Variants in ADGRV1 observed in about 807,000 individuals in gnomAD.
The protein encoded by ADGRV1 is adhesion G protein-coupled receptor V1, also known as G-protein coupled receptor 98.
Under a neutral mutation model 596.2 loss-of-function variants are expected in ADGRV1, and 359 were observed. That is an observed-to-expected ratio of 0.60 (90% CI 0.55 to 0.66). The LOEUF (loss-of-function observed/expected upper bound fraction) is 0.66, where lower values mean the gene tolerates loss of function less well. Ranked by LOEUF, ADGRV1 falls within the 30% of genes least tolerant of loss-of-function variation. ADGRV1 has a pLI of 0.00. For missense variants in ADGRV1, 7,274 were observed against 7,575.6 expected (o/e 0.96, Z 1.48); for synonymous variants, 2,681 against 2,679.2 (o/e 1.00, Z -0.02).
In ADGRV1 at chr5:90,809,423, G is replaced by A. The variant is rs183258044; in HGVS notation, c.14973-810G>A. On this transcript the variant is annotated intron_variant, in intron 73 of 89. Transcript: ENST00000405460. Reference sequence around the variant, plus strand: ...GACGAAAGTCATAGATAGATTATGCGATAAACCCAGAAGCACACAGTTAAT... The same window carrying A: ...GACGAAAGTCATAGATAGATTATGCAATAAACCCAGAAGCACACAGTTAAT... 8.1e-4 allele frequency among the ~76,000 whole-genome samples: 123 copies of A among 152,026 alleles called. 4 individuals are homozygous for A. In the Middle Eastern group the frequency reaches 0.024, roughly 29 times the overall value.
Position 90,712,376 on chromosome 5 carries a change from G to A in ADGRV1, c.9132G>A (p.Gln3044=), listed in dbSNP as rs947463447. The A allele has an allele frequency of 6.3e-7, 1 of 1,585,262 alleles. No homozygotes were observed. Among genetic ancestry groups the A allele is most frequent in the Admixed American group, 1.7e-5 (1 of 57,598 alleles). ...DDIPEGDEKF[Q]LILTNPSPGL... is the part of the protein sequence containing the mutation. ...TTCCAGAAGGAGATGAAAAATTTCA[G>A]CTGATTTTAACAAATCCTTCTCCTG... The change falls in exon 42 of 90, where the codon CAG becomes CAA. Residue 3044 remains glutamine, a synonymous_variant. Coordinates refer to ENST00000405460, the MANE Select transcript of ADGRV1 (RefSeq NM_032119.4).
intron 87 of ADGRV1, among the ~76,000 whole-genome samples, chr5:91,142,664 A>T (rs1481899225): frequency 6.6e-6 from 1 of 152,176 alleles, no homozygotes; most frequent in Non-Finnish European, 1.5e-5. Flanking sequence ...TACGGAACTG[A>T]TAAAAATTTT....
chr5:90,939,289 A>C (rs1430554902), intron 83 of ADGRV1, among the ~76,000 whole-genome samples: 4 of 152,202 alleles, frequency 2.6e-5, no homozygotes, highest in Admixed American at 2.6e-4. Flanking sequence ...CTGTGTGAGA[A>C]ATCACTCTTA....
At chr5:90,960,918 T>A (rs1158104618) in intron 83 of ADGRV1, among the ~76,000 whole-genome samples, 1 of 152,122 alleles carries the variant, frequency 6.6e-6, no homozygotes, top group Non-Finnish European at 1.5e-5. Context: ...GGACTTGGGT[T>A]TTCTCTCTGA....
intron 85 of ADGRV1, among the ~76,000 whole-genome samples, chr5:90,992,541 T>C (rs765964444): frequency 2.6e-5 from 4 of 152,254 alleles, no homozygotes; most frequent in Admixed American, 6.5e-5. Context: ...CGTGTAGTTC[T>C]TGAGTAACCT....
chr5:90,830,489 A>G (rs1024550331), intron 77 of ADGRV1, among the ~76,000 whole-genome samples: 1 of 152,152 alleles, frequency 6.6e-6, no homozygotes, highest in African/African-American at 2.4e-5. Context: ...GATAAAAGAG[A>G]TTTGAGGCAC....
chr5:90,647,390 C>A, intron 16 of ADGRV1, 108 bp from the exon 17 acceptor site: 3 of 1,110,608 alleles, frequency 2.7e-6, no homozygotes, highest in Non-Finnish European at 3.8e-6. Flanking sequence ...TTGGCAAAGA[C>A]ACAGTACAAG....
chr5:90,907,049 C>A (rs959237283), intron 83 of ADGRV1, among the ~76,000 whole-genome samples: 3 of 152,038 alleles, frequency 2.0e-5, no homozygotes, highest in Non-Finnish European at 4.4e-5. Flanking sequence ...CCATCTTTTC[C>A]AAGTTAAGAT....
chr5:90,690,834 G>A lies in ADGRV1; in HGVS notation c.6744G>A (p.Glu2248=), dbSNP rs758860733. 6 of 1,602,008 alleles carry A rather than the reference G, an allele frequency of 3.7e-6. No homozygotes were observed. In the East Asian group the frequency reaches 6.7e-5, roughly 18 times the overall value. The change falls in exon 31 of 90, where the codon GAG becomes GAA. Residue 2248 remains glutamate (E), a synonymous_variant. Transcript: ENST00000405460. ...CTAAACTTATTGTAGAGGAACCTGAGTTTAACTCAGTGAAGGTAAACCTGC... is the reference window on the plus strand; with the variant it reads ...CTAAACTTATTGTAGAGGAACCTGAATTTAACTCAGTGAAGGTAAACCTGC... ...QITKLIVEEP[E]FNSVKVNLPI...
chr5:90,807,177 T>C (rs1291562788), intron 72 of ADGRV1, among the ~76,000 whole-genome samples: 1 of 152,164 alleles, frequency 6.6e-6, no homozygotes, highest in Admixed American at 6.5e-5. Flanking sequence ...GTTGTTACAG[T>C]CTGCTATATT....
chr5:90,861,609 A>G (rs557200844), intron 82 of ADGRV1, among the ~76,000 whole-genome samples: 4 of 150,502 alleles, frequency 2.7e-5, no homozygotes, highest in African/African-American at 9.7e-5. Flanking sequence ...ATGCCCGGCT[A>G]TACTTTATTT....
intron 8 of ADGRV1, 149 bp downstream of exon 8, chr5:90,628,981 C>G: frequency 2.7e-6 from 2 of 749,298 alleles, no homozygotes; most frequent in South Asian, 5.2e-5. Flanking sequence ...ACTCAGTATT[C>G]CTTCTGAAAA....
intron 83 of ADGRV1, among the ~76,000 whole-genome samples, chr5:90,920,184 A>T (rs1181615101): frequency 6.6e-6 from 1 of 152,004 alleles, no homozygotes; most frequent in Non-Finnish European, 1.5e-5. Context: ...GTGTCTGGTG[A>T]GGGCCCACTT....
At position 90,971,197 on chromosome 5, in the gene ADGRV1, A is replaced by T. The variant is rs568197647; in HGVS notation, c.17973+5666A>T. Among the ~76,000 whole-genome samples the T allele has an allele frequency of 2.6e-5, 4 of 152,358 alleles. No homozygotes were observed. In the South Asian group the frequency reaches 8.3e-4, roughly 32 times the overall value. Reference sequence around the variant, plus strand: ...CAAAGACTCCAAGAAACATGGGACTATGTGAAAAGACCAAATCTACGTCTG... The same window carrying T: ...CAAAGACTCCAAGAAACATGGGACTTTGTGAAAAGACCAAATCTACGTCTG... On this transcript the variant is annotated intron_variant, in intron 84 of 89. Coordinates refer to ENST00000405460, the MANE Select transcript of ADGRV1 (RefSeq NM_032119.4).
At chr5:91,132,719 A>G (rs944792211) in intron 87 of ADGRV1, among the ~76,000 whole-genome samples, 1 of 152,230 alleles carries the variant, frequency 6.6e-6, no homozygotes, top group African/African-American at 2.4e-5. Flanking sequence ...TCTCCATTCA[A>G]GAATAGTGTT....
chr5:90,817,766 A>G (rs1386326380), intron 75 of ADGRV1, among the ~76,000 whole-genome samples: 6 of 151,964 alleles, frequency 3.9e-5, no homozygotes, highest in African/African-American at 7.3e-5. Context: ...CTGTTCCATT[A>G]ATCTATATCT....
intron 85 of ADGRV1, among the ~76,000 whole-genome samples, chr5:91,023,940 A>C: frequency 6.6e-6 from 1 of 152,098 alleles, no homozygotes; most frequent in Admixed American, 6.5e-5. Context: ...CGTGTTTTTC[A>C]TCTTAAATAA....
At chr5:90,605,686 A>G (rs1762031909) in intron 1 of ADGRV1, among the ~76,000 whole-genome samples, 1 of 152,178 alleles carries the variant, frequency 6.6e-6, no homozygotes, top group Non-Finnish European at 1.5e-5. Flanking sequence ...TATAAAATGA[A>G]CATGTCAAGA....
intron 85 of ADGRV1, among the ~76,000 whole-genome samples, chr5:91,057,838 T>C (rs1787026414): frequency 6.6e-6 from 1 of 152,148 alleles, no homozygotes; most frequent in African/African-American, 2.4e-5. Context: ...TTTTGTATTA[T>C]GCAAAAATGT....
Sources: allele counts gnomAD v4.1 joint callset (sites outside exome capture counted in the v4.1 genomes callset), GRCh38; gene constraint gnomAD v4.1.1; transcripts MANE v1.5; gene names NCBI Gene and HGNC (gene_info 2026-07-23, HGNC 2026-07-21).